DNAAF9: variants seen among roughly 807,000 people sequenced by gnomAD.
DNAAF9 encodes the protein dynein axonemal assembly factor 9.
Under a neutral mutation model 167.0 loss-of-function variants are expected in DNAAF9, and 90 were observed. The observed-to-expected ratio is 0.54, with a 90% confidence interval of 0.45 to 0.64. DNAAF9 has a LOEUF of 0.64. Among genes scored for constraint, DNAAF9 ranks in the 30% least tolerant of loss-of-function variants. The probability of loss-of-function intolerance (pLI) is 0.00; values close to 1 mark genes in which losing one functional copy is unlikely to be tolerated. For missense variants in DNAAF9, 1,315 were observed against 1,442.2 expected (o/e 0.91, Z 1.43); for synonymous variants, 491 against 508.8 (o/e 0.96, Z 0.47).
chr20:3,309,334 T>G (rs1043613011), intron 20 of DNAAF9, among the ~76,000 whole-genome samples: 1 of 152,178 alleles, frequency 6.6e-6, no homozygotes, highest in Non-Finnish European at 1.5e-5. Flanking sequence ...TTTAGTATAG[T>G]GTTATAATTT....
chr20:3,407,340 CTCCCTGAG>C (rs2084076446), intron 1 of DNAAF9, 127 bp downstream of exon 1: 9 of 737,560 alleles, frequency 1.2e-5, no homozygotes, highest in Non-Finnish European at 1.7e-5. Flanking sequence ...GGAAAAATTC[CTCCCTGAG>C]CCGTTCAGCA....
chr20:3,397,473 T>C (rs1421370864), intron 1 of DNAAF9, among the ~76,000 whole-genome samples: 1 of 152,032 alleles, frequency 6.6e-6, no homozygotes, highest in Non-Finnish European at 1.5e-5. Flanking sequence ...CACCTGCCAC[T>C]AAGCCCAGCT....
intron 15 of DNAAF9, 135 bp from the exon 16 acceptor site, chr20:3,322,397 G>A: frequency 1.3e-6 from 1 of 774,920 alleles, no homozygotes; most frequent in Non-Finnish European, 2.3e-6. Context: ...AAAACACTGG[G>A]TTGCATGTCT....
chr20:3,360,326 G>T (rs890565682), intron 6 of DNAAF9, among the ~76,000 whole-genome samples: 1 of 152,016 alleles, frequency 6.6e-6, no homozygotes, highest in African/African-American at 2.4e-5. Context: ...TTCACAAACT[G>T]TTTCTTTCTC....
At position 3,294,601 on chromosome 20, in the gene DNAAF9, C is replaced by T; in HGVS notation, c.2047G>A (p.Ala683Thr). ...TTCTCCCCAGCAGGCTGGCTCAGGGCACTGAAGAGCTTCTGTGCACTGGAG... is the reference window on the plus strand; with the variant it reads ...TTCTCCCCAGCAGGCTGGCTCAGGGTACTGAAGAGCTTCTGTGCACTGGAG... ...LHSSAQKLFS[A>T]LSQPAGEKRS... The change falls in exon 24 of 37, where the codon GCC becomes ACC. Residue 683 changes from alanine to threonine, a missense_variant. By Grantham distance (58) the Ala-to-Thr change is moderately conservative. Coordinates refer to ENST00000252032, the MANE Select transcript of DNAAF9 (RefSeq NM_001009984.3). 2 of 1,613,426 alleles carry T rather than the reference C, an allele frequency of 1.2e-6. No individual in the cohort carries two copies. The highest frequency in any genetic ancestry group is 1.7e-6 in the Non-Finnish European group (2 of 1,179,374).
chr20:3,370,584 A>G (rs927132600), intron 6 of DNAAF9, among the ~76,000 whole-genome samples: 2 of 151,770 alleles, frequency 1.3e-5, no homozygotes, highest in African/African-American at 4.8e-5. Flanking sequence ...TAATTTTTGT[A>G]TTTTTAGTAG....
intron 7 of DNAAF9, among the ~76,000 whole-genome samples, chr20:3,355,404 G>A (rs571989560): frequency 4.6e-5 from 7 of 152,000 alleles, no homozygotes; most frequent in African/African-American, 1.4e-4. Flanking sequence ...GTAAAACCCC[G>A]TCTCTACTAA....
intron 23 of DNAAF9, chr20:3,295,970 A>G (rs1465109728): frequency 1.3e-5 from 20 of 1,583,694 alleles, no homozygotes; most frequent in Non-Finnish European, 1.7e-5. Flanking sequence ...GATCTTGGTC[A>G]GGCATTTCAC....
chr20:3,305,684 A>C (rs2236108), intron 20 of DNAAF9, among the ~76,000 whole-genome samples: 31,263 of 152,066 alleles, frequency 0.21, 3,513 homozygotes, highest in African/African-American at 0.28. Flanking sequence ...GGAGGGGCCT[A>C]GTTAGTATGT....
At chr20:3,305,570 T>C (rs916892155) in intron 20 of DNAAF9, among the ~76,000 whole-genome samples, 20 of 152,166 alleles carry the variant, frequency 1.3e-4, no homozygotes, top group Non-Finnish European at 1.8e-4. Flanking sequence ...ATGACAAGAA[T>C]AGCAAAGGCC....
chr20:3,375,689 G>A (rs560793536), intron 4 of DNAAF9, among the ~76,000 whole-genome samples: 13 of 152,114 alleles, frequency 8.5e-5, no homozygotes, highest in African/African-American at 2.9e-4. Context: ...ACAAAACTCC[G>A]TCTCTACTAA....
At chr20:3,276,222 T>C (rs1217349128) in intron 29 of DNAAF9, among the ~76,000 whole-genome samples, 2 of 152,038 alleles carry the variant, frequency 1.3e-5, no homozygotes, top group African/African-American at 4.8e-5. Flanking sequence ...AGCTACCAAA[T>C]CTCCTAGGAG....
At chr20:3,371,822 A>G (rs534206814) in intron 6 of DNAAF9, among the ~76,000 whole-genome samples, 23 of 152,306 alleles carry the variant, frequency 1.5e-4, no homozygotes, top group African/African-American at 5.5e-4. Flanking sequence ...GTTTGCTATT[A>G]GGATCCTCCC....
At chr20:3,317,660 G>A (rs529965648) in intron 17 of DNAAF9, among the ~76,000 whole-genome samples, 9 of 152,002 alleles carry the variant, frequency 5.9e-5, no homozygotes, top group East Asian at 5.8e-4. Context: ...GCAGTGGTGC[G>A]ACCTCAGCTC....
intron 32 of DNAAF9, 88 bp from the exon 33 acceptor site, chr20:3,259,642 G>A: frequency 1.1e-6 from 1 of 920,018 alleles, no homozygotes; most frequent in African/African-American, 1.6e-5. Flanking sequence ...AGGGACTGGG[G>A]AGGGACCATA....
At chr20:3,272,581 T>C (rs545987080) in intron 29 of DNAAF9, among the ~76,000 whole-genome samples, 1 of 152,322 alleles carries the variant, frequency 6.6e-6, no homozygotes, top group Non-Finnish European at 1.5e-5. Context: ...TTAAAGAGTA[T>C]ACTTAACCCT....
chr20:3,385,812 T>C (rs1257842191), intron 1 of DNAAF9, among the ~76,000 whole-genome samples: 2 of 152,162 alleles, frequency 1.3e-5, no homozygotes, highest in Non-Finnish European at 2.9e-5. Flanking sequence ...AGCACTTACA[T>C]GTTAAAAACT....
At chr20:3,335,433 T>G (rs2069918590) in intron 10 of DNAAF9, among the ~76,000 whole-genome samples, 1 of 152,146 alleles carries the variant, frequency 6.6e-6, no homozygotes, top group Admixed American at 6.5e-5. Context: ...GCCTTCATGG[T>G]TTCTGATGAG....
At position 3,290,222 on chromosome 20, in the gene DNAAF9, A is replaced by G; in HGVS notation, c.2239-5T>C. 1 of 1,584,940 alleles carries G rather than the reference A, an allele frequency of 6.3e-7. No homozygotes were observed. The highest frequency in any genetic ancestry group is 1.1e-5 in the South Asian group (1 of 90,498). ...GGTTACAATGCTGATAATTACCTACATGAAGAAAAAGTCATGGGTTTGCAA... is the reference window on the plus strand; with the variant it reads ...GGTTACAATGCTGATAATTACCTACGTGAAGAAAAAGTCATGGGTTTGCAA... On this transcript the variant is annotated splice_region_variant and splice_polypyrimidine_tract_variant and intron_variant, in intron 25 of 36. Coordinates refer to ENST00000252032, the MANE Select transcript of DNAAF9 (RefSeq NM_001009984.3).
Sources: allele counts gnomAD v4.1 joint callset (sites outside exome capture counted in the v4.1 genomes callset), GRCh38; gene constraint gnomAD v4.1.1; transcripts MANE v1.5; gene names NCBI Gene and HGNC (gene_info 2026-07-23, HGNC 2026-07-21).